The following NBEA variants were observed in gnomAD, a reference collection of about 807,000 sequenced individuals.
NBEA encodes the protein neurobeachin.
In NBEA, 44 loss-of-function variants were observed where a neutral mutation model predicts 343.4. The ratio of observed to expected loss-of-function variants is 0.13; its 90% CI spans 0.10 to 0.16. NBEA has a LOEUF of 0.16. Among genes scored for constraint, NBEA ranks in the 10% least tolerant of loss-of-function variants. The pLI is 1.00. For missense variants in NBEA, 2,555 were observed against 3,631.3 expected (o/e 0.70, Z 7.62); for synonymous variants, 1,175 against 1,238.7 (o/e 0.95, Z 1.08).
At chr13:35,251,346 C>T in intron 34 of NBEA, 2 of 1,017,604 alleles carry the variant, frequency 2.0e-6, no homozygotes, top group African/African-American at 1.7e-5. Context: ...TCCTCACATC[C>T]TCACCAGCCT....
rs534082737 is a variant in NBEA at position 35,278,308 on chromosome 13, A to C, written c.5777-12081A>C. Among the ~76,000 whole-genome samples the C allele has an allele frequency of 3.3e-5, 5 of 152,014 alleles. 1 individual carries two copies. The South Asian group carries it at 1.0e-3, about 32-fold the overall frequency. ...AAAGGATAGTTGAAAGGCAGTTTTA[A>C]AGTATATGAAAGTGGCTTCATTTTC... On this transcript the variant is annotated intron_variant, in intron 34 of 58. Transcript: ENST00000379939.
chr13:35,197,758 C>T (rs542188129), intron 31 of NBEA, among the ~76,000 whole-genome samples: 2 of 152,216 alleles, frequency 1.3e-5, no homozygotes, highest in South Asian at 2.1e-4. Context: ...CCTTTGCCTC[C>T]CAAAGTGCTA....
At chr13:35,472,660 AAAATG>A (rs2075705663) in intron 41 of NBEA, 124 bp downstream of exon 41, 3 of 906,214 alleles carry the variant, frequency 3.3e-6, no homozygotes, top group Non-Finnish European at 5.2e-6. Context: ...CATAGAAAAT[AAAATG>A]AATGAAATAG....
At chr13:35,367,486 T>C (rs911158827) in intron 38 of NBEA, among the ~76,000 whole-genome samples, 3 of 151,246 alleles carry the variant, frequency 2.0e-5, no homozygotes, top group Admixed American at 1.3e-4. Context: ...AAAATTTGAT[T>C]CGTAATTTTT....
intron 34 of NBEA, among the ~76,000 whole-genome samples, chr13:35,253,697 A>C (rs755902126): frequency 7.2e-5 from 11 of 152,170 alleles, no homozygotes; most frequent in Non-Finnish European, 1.6e-4. Flanking sequence ...TATTATCTAG[A>C]TTGTCTTTGT....
intron 1 of NBEA, among the ~76,000 whole-genome samples, chr13:35,000,471 C>T (rs570302638): frequency 5.3e-5 from 8 of 151,944 alleles, no homozygotes; most frequent in Admixed American, 1.3e-4. Context: ...AATAATACCA[C>T]CTACAATTTA....
intron 1 of NBEA, among the ~76,000 whole-genome samples, chr13:35,022,466 A>C (rs1451109629): frequency 6.6e-6 from 1 of 152,128 alleles, no homozygotes; most frequent in Non-Finnish European, 1.5e-5. Context: ...GAAGCAAATA[A>C]GTAATTTTCT....
At chr13:35,103,911 A>G (rs1243777157) in intron 11 of NBEA, among the ~76,000 whole-genome samples, 2 of 151,826 alleles carry the variant, frequency 1.3e-5, no homozygotes, top group Non-Finnish European at 2.9e-5. Flanking sequence ...AACCATGATC[A>G]TCCTTCACCA....
intron 44 of NBEA, among the ~76,000 whole-genome samples, chr13:35,562,545 C>T (rs2079907911): frequency 6.6e-6 from 1 of 151,974 alleles, no homozygotes; most frequent in African/African-American, 2.4e-5. Flanking sequence ...ACTTCTCCAA[C>T]CCCAACCTTT....
At chr13:35,152,669 G>A (rs1323474524) in intron 18 of NBEA, among the ~76,000 whole-genome samples, 1 of 152,164 alleles carries the variant, frequency 6.6e-6, no homozygotes, top group African/African-American at 2.4e-5. Flanking sequence ...GTGTATCTCT[G>A]TAAATAGCAT....
At chr13:35,484,785 A>G (rs1026472743) in intron 41 of NBEA, among the ~76,000 whole-genome samples, 1 of 152,106 alleles carries the variant, frequency 6.6e-6, no homozygotes, top group Non-Finnish European at 1.5e-5. Flanking sequence ...TTTTACATTA[A>G]CACAAAAATT....
chr13:35,615,144 C>CAA (rs1298199646), intron 48 of NBEA, among the ~76,000 whole-genome samples: 1 of 128,874 alleles, frequency 7.8e-6, no homozygotes, highest in Non-Finnish European at 1.6e-5. Flanking sequence ...AAAAAAAAAA[C>CAA]AAAAAAAAAT....
At chr13:35,158,442 T>C (rs866323389) in intron 21 of NBEA, among the ~76,000 whole-genome samples, 1 of 151,720 alleles carries the variant, frequency 6.6e-6, no homozygotes, top group Non-Finnish European at 1.5e-5. Context: ...CAGGTCTTTG[T>C]GCAAAAAAAA....
intron 5 of NBEA, among the ~76,000 whole-genome samples, chr13:35,049,116 T>C (rs2062972606): frequency 6.6e-6 from 1 of 151,866 alleles, no homozygotes; most frequent in Non-Finnish European, 1.5e-5. Context: ...TGTAAGAAAT[T>C]ATAAGATAAG....
chr13:35,141,608 A>C (rs2068098653), intron 17 of NBEA, among the ~76,000 whole-genome samples: 1 of 152,216 alleles, frequency 6.6e-6, no homozygotes. Context: ...AGAGGCCTGT[A>C]GTAATTCTTG....
intron 34 of NBEA, among the ~76,000 whole-genome samples, chr13:35,268,099 A>G (rs1456242408): frequency 6.6e-6 from 1 of 152,076 alleles, no homozygotes; most frequent in Non-Finnish European, 1.5e-5. Context: ...TAAAACATTG[A>G]AATAACCTGG....
rs191209288 is a variant in NBEA, at chr13:35,307,655, T to C, written c.5839-1873T>C. Among the ~76,000 whole-genome samples the C allele has an allele frequency of 3.9e-5, 6 of 152,070 alleles. No individual in the cohort carries two copies. The East Asian group carries it at 1.2e-3, about 29-fold the overall frequency. On this transcript the variant is annotated intron_variant, in intron 35 of 58. Coordinates refer to ENST00000379939, the MANE Select transcript of NBEA (RefSeq NM_001385012.1). ...AGTGTACAAACACTATCACAGAAAA[T>C]CAGGTGTAAGAAGTTGTAAGAATCT...
chr13:35,610,280 C>T (rs2082447500), intron 48 of NBEA, among the ~76,000 whole-genome samples: 1 of 152,094 alleles, frequency 6.6e-6, no homozygotes, highest in Non-Finnish European at 1.5e-5. Flanking sequence ...GTGATTCCAG[C>T]TACTCAGGAG....
At chr13:35,594,062 G>T (rs1195248228) in intron 47 of NBEA, among the ~76,000 whole-genome samples, 1 of 151,764 alleles carries the variant, frequency 6.6e-6, no homozygotes, top group Non-Finnish European at 1.5e-5. Flanking sequence ...CATTTATATG[G>T]GCTCCTATTT....
Sources: allele counts gnomAD v4.1 joint callset (sites outside exome capture counted in the v4.1 genomes callset), GRCh38; gene constraint gnomAD v4.1.1; transcripts MANE v1.5; gene names NCBI Gene and HGNC (gene_info 2026-07-23, HGNC 2026-07-21).